The following CDH13 variants were observed in gnomAD, a reference collection of about 807,000 sequenced individuals.
CDH13 encodes the protein cadherin 13, also known as cadherin-13.
CDH13 carries 24 observed loss-of-function variants against 63.8 expected under a neutral mutation model. That is an observed-to-expected ratio of 0.38 (90% CI 0.27 to 0.53). The LOEUF is 0.53. Among genes scored for constraint, CDH13 ranks in the 20% least tolerant of loss-of-function variants. The probability of loss-of-function intolerance (pLI) is 0.85; values close to 1 mark genes in which losing one functional copy is unlikely to be tolerated. For synonymous variants in CDH13, 503 were observed against 355.3 expected (o/e 1.42, Z -4.67); for missense variants, 1,049 against 903.1 (o/e 1.16, Z -2.07).
At chr16:83,311,847 G>C (rs2090007475) in intron 5 of CDH13, among the ~76,000 whole-genome samples, 1 of 152,138 alleles carries the variant, frequency 6.6e-6, no homozygotes, top group Non-Finnish European at 1.5e-5. Flanking sequence ...GGCCAAGGCG[G>C]GTGGATCACC....
chr16:83,142,575 G>A (rs1413709971), intron 4 of CDH13, among the ~76,000 whole-genome samples: 1 of 152,186 alleles, frequency 6.6e-6, no homozygotes, highest in African/African-American at 2.4e-5. Flanking sequence ...TTCCTCATGT[G>A]TAGCCGTTCG....
At position 83,022,417 on chromosome 16, in the gene CDH13, G is replaced by T. The variant is rs1002176615; in HGVS notation, c.158-9593G>T. 6.6e-5 allele frequency among the ~76,000 whole-genome samples: 10 copies of T among 152,358 alleles called. No individual in the cohort carries two copies. The East Asian group carries it at 1.7e-3, about 26-fold the overall frequency. On this transcript the variant is annotated intron_variant, in intron 2 of 13. Coordinates refer to ENST00000567109, the MANE Select transcript of CDH13 (RefSeq NM_001257.5). The stretch of plus-strand genomic sequence containing the variant: ...CTGTGTCATGTCCTTGAGACAGCTA[G>T]TATAGGTACTTCTGAGAGCTGGTAA...
At chr16:83,616,410 C>T (rs373286907) in intron 8 of CDH13, among the ~76,000 whole-genome samples, 10 of 152,010 alleles carry the variant, frequency 6.6e-5, no homozygotes, top group Non-Finnish European at 1.0e-4. Context: ...ATGCGAATTC[C>T]GTGCCTTTGC....
chr16:82,713,056 G>T (rs1567456288), intron 1 of CDH13, among the ~76,000 whole-genome samples: 1 of 150,172 alleles, frequency 6.7e-6, no homozygotes, highest in Non-Finnish European at 1.5e-5. Context: ...GTGTGTGTGT[G>T]GTGTGTGTGT....
Position 82,917,184 on chromosome 16 carries a change from A to G in CDH13, c.157+58711A>G, listed in dbSNP as rs2042015421. Among the ~76,000 whole-genome samples, 4 of 152,156 alleles carry G rather than the reference A, an allele frequency of 2.6e-5. No individual in the cohort carries two copies. The South Asian group carries it at 6.2e-4, about 24-fold the overall frequency. On this transcript the variant is annotated intron_variant, in intron 2 of 13. Coordinates refer to ENST00000567109, the MANE Select transcript of CDH13 (RefSeq NM_001257.5). ...AGACGCTTACAAATAAGAGAGAAGA[A>G]AGGACCGCATTAACTCTAAAGAAGG...
chr16:83,707,280 G>A (rs959297180), intron 10 of CDH13, among the ~76,000 whole-genome samples: 1 of 152,138 alleles, frequency 6.6e-6, no homozygotes, highest in Non-Finnish European at 1.5e-5. Flanking sequence ...AACACTTTCG[G>A]TGAGTAGGAA....
chr16:83,175,078 C>T (rs1251071268), intron 4 of CDH13, among the ~76,000 whole-genome samples: 3 of 151,996 alleles, frequency 2.0e-5, no homozygotes, highest in East Asian at 1.9e-4. Context: ...AGCTACGTAT[C>T]GCTGGTGGCT....
intron 1 of CDH13, among the ~76,000 whole-genome samples, chr16:82,794,963 C>T (rs1053054533): frequency 6.6e-6 from 1 of 152,184 alleles, no homozygotes; most frequent in South Asian, 2.1e-4. Context: ...CATTATGCTG[C>T]ATCCTCCCAG....
chr16:82,838,273 C>G (rs932441213), intron 1 of CDH13, among the ~76,000 whole-genome samples: 24 of 152,190 alleles, frequency 1.6e-4, no homozygotes, highest in African/African-American at 5.8e-4. Context: ...TCATGGGTAT[C>G]TCCACTAGAA....
intron 2 of CDH13, among the ~76,000 whole-genome samples, chr16:82,921,416 C>T (rs1338466193): frequency 6.6e-6 from 1 of 152,178 alleles, no homozygotes; most frequent in Non-Finnish European, 1.5e-5. Context: ...ATTGCCTTCT[C>T]TATCTCTCAT....
At chr16:82,899,939 C>T (rs544157042) in intron 2 of CDH13, among the ~76,000 whole-genome samples, 6 of 152,230 alleles carry the variant, frequency 3.9e-5, no homozygotes, top group Non-Finnish European at 7.3e-5. Flanking sequence ...AGAGCAGTTG[C>T]CAGTTTTCCC....
At chr16:82,821,970 T>C (rs1396245589) in intron 1 of CDH13, among the ~76,000 whole-genome samples, 1 of 152,176 alleles carries the variant, frequency 6.6e-6, no homozygotes, top group Non-Finnish European at 1.5e-5. Context: ...CTCACTGACT[T>C]TGTTCCCATC....
At chr16:83,038,787 T>G (rs184942253) in intron 3 of CDH13, among the ~76,000 whole-genome samples, 174 of 152,324 alleles carry the variant, frequency 1.1e-3, no homozygotes, top group Middle Eastern at 3.4e-3. Context: ...AACTTCATTT[T>G]CTGGCCTGGC....
At chr16:83,342,843 GTTTTTTTTTTTTTT>G in intron 5 of CDH13, among the ~76,000 whole-genome samples, 1 of 65,300 alleles carries the variant, frequency 1.5e-5, no homozygotes, top group South Asian at 7.6e-4. Context: ...TTTTGTTTCT[GTTTTTTTTTTTTTT>G]TTTTTTTTTT....
chr16:82,753,655 T>A (rs1282184731), intron 1 of CDH13, among the ~76,000 whole-genome samples: 1 of 152,184 alleles, frequency 6.6e-6, no homozygotes, highest in Non-Finnish European at 1.5e-5. Context: ...AGTGCCAAAT[T>A]GTAGGTCTTA....
chr16:83,341,387 C>T (rs2090718832), intron 5 of CDH13, among the ~76,000 whole-genome samples: 1 of 152,156 alleles, frequency 6.6e-6, no homozygotes, highest in South Asian at 2.1e-4. Context: ...CGTATGAGAA[C>T]AGTGATGAAA....
chr16:83,188,657 C>A (rs77282465), intron 4 of CDH13, among the ~76,000 whole-genome samples: 1 of 152,094 alleles, frequency 6.6e-6, no homozygotes, highest in Admixed American at 6.6e-5. Flanking sequence ...AAATTTAAGC[C>A]TCCTGGAATT....
At chr16:83,253,838 A>T (rs1905886905) in intron 5 of CDH13, among the ~76,000 whole-genome samples, 1 of 152,222 alleles carries the variant, frequency 6.6e-6, no homozygotes, top group African/African-American at 2.4e-5. Context: ...TAATATATTA[A>T]TATAATTAGG....
chr16:83,766,894 T>A (rs1914426337), intron 11 of CDH13, among the ~76,000 whole-genome samples: 1 of 152,164 alleles, frequency 6.6e-6, no homozygotes, highest in Admixed American at 6.5e-5. Flanking sequence ...GGCATTCCCC[T>A]GCTTGCACTC....
Sources: gnomAD v4.1 joint callset for allele counts (sites outside exome capture counted in the v4.1 genomes callset) on GRCh38, gnomAD v4.1.1 for gene constraint, MANE v1.5 for transcripts, NCBI Gene and HGNC (gene_info 2026-07-23, HGNC 2026-07-21) for gene names.